Variants in TRHDE observed in about 807,000 individuals in gnomAD.
The protein encoded by TRHDE is thyrotropin-releasing hormone-degrading ectoenzyme.
In TRHDE, 72 loss-of-function variants were observed where a neutral mutation model predicts 125.7. The observed-to-expected ratio is 0.57, with a 90% CI of 0.47 to 0.70. The LOEUF is 0.70. Among genes scored for constraint, TRHDE ranks in the 30% least tolerant of loss-of-function variants. TRHDE has a pLI of 0.00. For synonymous variants in TRHDE, 509 were observed against 509.1 expected (o/e 1.00, Z 0.00); for missense variants, 1,110 against 1,327.1 (o/e 0.84, Z 2.54).
chr12:72,364,278 C>T (rs1428778505), intron 2 of TRHDE, among the ~76,000 whole-genome samples: 1 of 152,046 alleles, frequency 6.6e-6, no homozygotes, highest in African/African-American at 2.4e-5. Context: ...GGACAAGTGG[C>T]TGTTCCTGGA....
At chr12:72,183,840 C>T (rs1418596210) in intron 2 of TRHDE, among the ~76,000 whole-genome samples, 1 of 152,108 alleles carries the variant, frequency 6.6e-6, no homozygotes, top group East Asian at 1.9e-4. Context: ...AGTTAAATGT[C>T]TTCAATTTTA....
At chr12:72,309,352 T>A (rs879370590) in intron 2 of TRHDE, among the ~76,000 whole-genome samples, 44 of 152,034 alleles carry the variant, frequency 2.9e-4, no homozygotes, top group Non-Finnish European at 5.9e-4. Flanking sequence ...TTTTTAAAAA[T>A]TTTTGCATGT....
chr12:72,288,991 C>T (rs1185275103), intron 2 of TRHDE, among the ~76,000 whole-genome samples: 1 of 152,108 alleles, frequency 6.6e-6, no homozygotes, highest in Non-Finnish European at 1.5e-5. Context: ...TATTTATCAA[C>T]TGTGGAAATA....
rs893742643 is a variant in TRHDE, at chr12:72,191,572, T to C, written n.279+85820T>C. 3.5e-4 allele frequency among the ~76,000 whole-genome samples: 54 copies of C among 152,202 alleles called. 1 individual carries two copies. Among genetic ancestry groups the C allele is most frequent in the African/African-American group, 1.3e-3 (52 of 41,444 alleles). ...ACTGTTTACATACGAGTAAAGGTAA[T>C]TTTAACCAGGGTCTTTTAACATGTG... On this transcript the variant is annotated intron_variant and non_coding_transcript_variant, in intron 2 of 4. Coordinates refer to the TRHDE transcript ENST00000548156.
intron 6 of TRHDE, among the ~76,000 whole-genome samples, chr12:72,500,972 A>G (rs1241338265): frequency 6.6e-6 from 1 of 151,686 alleles, no homozygotes; most frequent in African/African-American, 2.4e-5. Context: ...TGTTTATAAA[A>G]CAATTTGGGA....
At chr12:72,205,088 A>T (rs1877636854) in intron 2 of TRHDE, among the ~76,000 whole-genome samples, 1 of 152,232 alleles carries the variant, frequency 6.6e-6, no homozygotes, top group Admixed American at 6.5e-5. Context: ...AACTTGTTTG[A>T]TAAATGATCT....
intron 2 of TRHDE, among the ~76,000 whole-genome samples, chr12:72,308,560 A>C (rs1868395549): frequency 2.0e-5 from 3 of 152,188 alleles, no homozygotes. Flanking sequence ...ATTTTTCTTC[A>C]ATTCTTATCT....
At chr12:72,438,423 G>A (rs1191167909) in intron 3 of TRHDE, among the ~76,000 whole-genome samples, 1 of 151,270 alleles carries the variant, frequency 6.6e-6, no homozygotes, top group Non-Finnish European at 1.5e-5. Flanking sequence ...TTTTCTCTAC[G>A]TGCTCACCAA....
At chr12:72,150,896 T>A (rs1876346209) in intron 2 of TRHDE, among the ~76,000 whole-genome samples, 1 of 152,160 alleles carries the variant, frequency 6.6e-6, no homozygotes, top group South Asian at 2.1e-4. Context: ...TGTTTTATAA[T>A]CTTTTGGGTA....
At chr12:72,170,796 T>A (rs1275636955) in intron 2 of TRHDE, among the ~76,000 whole-genome samples, 2 of 152,176 alleles carry the variant, frequency 1.3e-5, no homozygotes, top group Admixed American at 1.3e-4. Flanking sequence ...AAGCATTATA[T>A]ATGTGTGCCC....
At chr12:72,412,663 T>C (rs1378397933) in intron 3 of TRHDE, among the ~76,000 whole-genome samples, 1 of 151,814 alleles carries the variant, frequency 6.6e-6, no homozygotes, top group Non-Finnish European at 1.5e-5. Context: ...AGAACTCGAG[T>C]GTAAGTAAAT....
intron 7 of TRHDE, among the ~76,000 whole-genome samples, chr12:72,546,297 C>A (rs756722714): frequency 1.3e-5 from 2 of 151,634 alleles, no homozygotes; most frequent in Non-Finnish European, 3.0e-5. Context: ...CTCTGGTTCC[C>A]TGCCAAACCT....
intron 6 of TRHDE, among the ~76,000 whole-genome samples, chr12:72,513,048 T>C (rs1221591240): frequency 6.6e-6 from 1 of 152,104 alleles, no homozygotes; most frequent in Non-Finnish European, 1.5e-5. Context: ...ATATGGTATG[T>C]TAATGAAATA....
chr12:72,456,141 AC>A (rs1875837576), intron 3 of TRHDE, among the ~76,000 whole-genome samples: 1 of 105,604 alleles, frequency 9.5e-6, no homozygotes, highest in Non-Finnish European at 1.8e-5. Context: ...ACACACACAC[AC>A]ACACACACAC....
rs959767986 is a variant in TRHDE, at chr12:72,494,498, G to GT, written c.1585-4992dup. On this transcript the variant is annotated intron_variant, in intron 5 of 18. Coordinates refer to ENST00000261180, the MANE Select transcript of TRHDE (RefSeq NM_013381.3). ...TTTTTGGTCTGCTTTTTGGTTGGTT[G>GT]TTTTTTTTGGTGACAAAGTCAAAGT... Among the ~76,000 whole-genome samples the GT allele has an allele frequency of 2.9e-4, 44 of 151,640 alleles. No homozygotes were observed. In the South Asian group the frequency reaches 5.2e-3, roughly 18 times the overall value.
At chr12:72,210,171 G>GATCTATCTATCT (rs3086840) in intron 2 of TRHDE, among the ~76,000 whole-genome samples, 11,451 of 146,336 alleles carry the variant, frequency 0.078, 462 homozygotes, top group East Asian at 0.11. Flanking sequence ...CTATAAGATT[G>GATCTATCTATCT]ATCTATCTAT....
At position 72,663,258 on chromosome 12, in the gene TRHDE, G is replaced by C; in HGVS notation, c.*63G>C. ...TTTATGAGAAGACACGCTTTTTGTG[G>C]AATGAGGAAAATGTACTACCTAGAA... is the stretch of plus-strand genomic sequence containing the variant. On this transcript the variant is annotated 3_prime_UTR_variant, in exon 19 of 19. Coordinates refer to ENST00000261180, the MANE Select transcript of TRHDE (RefSeq NM_013381.3). 1 of 1,386,272 alleles carries C rather than the reference G, an allele frequency of 7.2e-7. No homozygotes were observed. Among genetic ancestry groups the C allele is most frequent in the East Asian group, 2.5e-5 (1 of 39,438 alleles). 85.9% of individuals were successfully genotyped at this position (1,386,272 alleles called of 1,614,324 possible). A position where few individuals can be genotyped will look rare whatever the true frequency, so the allele number is the denominator to read the frequency against.
At chr12:72,390,066 C>T (rs928070721) in intron 3 of TRHDE, among the ~76,000 whole-genome samples, 7 of 152,178 alleles carry the variant, frequency 4.6e-5, no homozygotes, top group Non-Finnish European at 1.0e-4. Flanking sequence ...GTTTAGGAGA[C>T]TGTGACAAGC....
rs755814569 is a variant in TRHDE, at chr12:72,663,175, G to A, written c.3190G>A (p.Gly1064Arg). ...CCAAGACGAGCTTTTCCAATGGTTA[G>A]GAAAAGCTCTAAGACACTAATATAT... ...LYQDELFQWL[G>R]KALRH Residue 1064 changes from glycine (G) to arginine (R), a missense_variant, in exon 19 of 19, where the codon GGA becomes AGA. Around this residue, in one of 5 missense-constraint regions of TRHDE, gnomAD observed 527 missense variants for 651.8 expected, o/e 0.81. Transcript: ENST00000261180. 1.9e-6 allele frequency: 3 copies of A among 1,612,034 alleles called. No homozygotes were observed. In the African/African-American group the frequency reaches 4.0e-5, roughly 22 times the overall value.
Sources: allele counts gnomAD v4.1 joint callset (sites outside exome capture counted in the v4.1 genomes callset), GRCh38; gene constraint gnomAD v4.1.1; regional missense constraint gnomAD v4.1.1; transcripts MANE v1.5; gene names NCBI Gene and HGNC (gene_info 2026-07-23, HGNC 2026-07-21).